The following ITPR2 variants were observed in gnomAD, a reference collection of about 807,000 sequenced individuals.
ITPR2 encodes the protein inositol 1,4,5-trisphosphate-gated calcium channel ITPR2.
Under a neutral mutation model 317.1 loss-of-function variants are expected in ITPR2, and 207 were observed. That is an observed-to-expected ratio of 0.65 (90% CI 0.58 to 0.73). The LOEUF is 0.73. Among genes scored for constraint, ITPR2 ranks in the 30% least tolerant of loss-of-function variants. The pLI is 0.00. For synonymous variants in ITPR2, 1,156 were observed against 1,149.1 expected, an observed-to-expected ratio of 1.01 and a Z score of -0.12; for missense variants, 2,613 against 3,284.0, an observed-to-expected ratio of 0.80 and a Z score of 4.99.
At chr12:26,341,843 T>C (rs1938123678) in intron 55 of ITPR2, among the ~76,000 whole-genome samples, 4 of 152,202 alleles carry the variant, frequency 2.6e-5, no homozygotes, top group Admixed American at 2.6e-4. Flanking sequence ...AATCCCCTGG[T>C]TGCTTGTTAA....
chr12:26,709,651 C>T (rs1028487989), intron 9 of ITPR2, among the ~76,000 whole-genome samples: 40 of 152,136 alleles, frequency 2.6e-4, no homozygotes, highest in African/African-American at 9.4e-4. Flanking sequence ...TTCTACAGCA[C>T]ATCAGTAGAT....
chr12:26,343,530 A>C (rs531829483), intron 55 of ITPR2, among the ~76,000 whole-genome samples: 7 of 152,204 alleles, frequency 4.6e-5, no homozygotes, highest in Non-Finnish European at 1.0e-4. Context: ...TAATGGTAAA[A>C]TGGTAAGTTT....
chr12:26,823,931 CAA>C (rs1226304086), intron 1 of ITPR2, among the ~76,000 whole-genome samples: 1 of 151,892 alleles, frequency 6.6e-6, no homozygotes, highest in African/African-American at 2.4e-5. Flanking sequence ...CTAAAATGAA[CAA>C]GTCAGCCATG....
At chr12:26,415,278 C>A (rs1232677873) in intron 51 of ITPR2, 25 bp downstream of exon 51, 1 of 1,511,990 alleles carries the variant, frequency 6.6e-7, no homozygotes, top group East Asian at 2.3e-5. Flanking sequence ...ATCAGAGAAA[C>A]CTCATTTAGT....
chr12:26,615,059 T>C lies in ITPR2; in HGVS notation c.3462+6064A>G, dbSNP rs191154981. Among the ~76,000 whole-genome samples, 6 of 152,320 alleles carry C rather than the reference T, an allele frequency of 3.9e-5. No individual in the cohort carries two copies. In the East Asian group the frequency reaches 5.8e-4, roughly 15 times the overall value. Reference sequence around the variant, plus strand: ...AAGAGAGAGGAGAAGAGGGACTATATGGGAACTCTATGCTTTCTGTGTAAT... The same window carrying C: ...AAGAGAGAGGAGAAGAGGGACTATACGGGAACTCTATGCTTTCTGTGTAAT... On this transcript the variant is annotated intron_variant, in intron 26 of 56. Coordinates refer to ENST00000381340, the MANE Select transcript of ITPR2 (RefSeq NM_002223.4).
intron 45 of ITPR2, among the ~76,000 whole-genome samples, chr12:26,463,315 G>A (rs1026208487): frequency 2.0e-5 from 3 of 151,994 alleles, no homozygotes; most frequent in African/African-American, 7.3e-5. Context: ...GCATTATTCT[G>A]TTCAGCATTT....
At chr12:26,379,788 T>C (rs917407977) in intron 55 of ITPR2, among the ~76,000 whole-genome samples, 19 of 152,336 alleles carry the variant, frequency 1.2e-4, no homozygotes, top group African/African-American at 4.1e-4. Context: ...AATGGGTACA[T>C]TGAAGTACAG....
intron 45 of ITPR2, among the ~76,000 whole-genome samples, chr12:26,466,416 C>A (rs1324078178): frequency 1.3e-5 from 2 of 152,186 alleles, no homozygotes; most frequent in Admixed American, 6.5e-5. Flanking sequence ...AGAATGTTAG[C>A]CAAGGCCTCG....
intron 37 of ITPR2, among the ~76,000 whole-genome samples, chr12:26,514,810 G>A (rs1259478172): frequency 6.6e-6 from 1 of 152,166 alleles, no homozygotes; most frequent in African/African-American, 2.4e-5. Context: ...TTAATGAAGA[G>A]CTGACTATAA....
chr12:26,670,197 G>A (rs528721909), intron 13 of ITPR2, among the ~76,000 whole-genome samples: 1 of 152,290 alleles, frequency 6.6e-6, no homozygotes, highest in Non-Finnish European at 1.5e-5. Context: ...AGAGAGCATT[G>A]GTTCTCCCAG....
chr12:26,767,189 A>G (rs535747751), intron 2 of ITPR2, among the ~76,000 whole-genome samples: 13 of 152,254 alleles, frequency 8.5e-5, no homozygotes, highest in Non-Finnish European at 1.8e-4. Flanking sequence ...AGTTCTTCAC[A>G]TGGAGCATCA....
intron 13 of ITPR2, among the ~76,000 whole-genome samples, chr12:26,674,857 A>C (rs1258772301): frequency 6.6e-6 from 1 of 151,938 alleles, no homozygotes; most frequent in East Asian, 1.9e-4. Flanking sequence ...CAAGAAAAAA[A>C]CAAACAACCC....
chr12:26,425,484 T>C (rs146778388), intron 49 of ITPR2, among the ~76,000 whole-genome samples: 7,115 of 151,960 alleles, frequency 0.047, 236 homozygotes, highest in South Asian at 0.17. Context: ...CTGGCTAACA[T>C]GGTGAAACCT....
chr12:26,440,718 T>C (rs551681723), intron 46 of ITPR2, among the ~76,000 whole-genome samples: 18 of 152,130 alleles, frequency 1.2e-4, no homozygotes, highest in African/African-American at 3.6e-4. Flanking sequence ...GGCAACCATA[T>C]AGGGAAAAAA....
At chr12:26,600,168 CA>C (rs897421960) in intron 28 of ITPR2, 59 bp from the exon 29 acceptor site, 7 of 1,460,676 alleles carry the variant, frequency 4.8e-6, no homozygotes, top group Non-Finnish European at 6.6e-6. Context: ...AAATGTTATG[CA>C]AAAATCTCTC....
At chr12:26,642,609 A>G (rs1947016812) in intron 21 of ITPR2, among the ~76,000 whole-genome samples, 1 of 152,128 alleles carries the variant, frequency 6.6e-6, no homozygotes, top group Non-Finnish European at 1.5e-5. Flanking sequence ...GCATTCTGCA[A>G]AAGATATTAC....
chr12:26,556,196 G>A (rs1944656649), intron 36 of ITPR2, 37 bp downstream of exon 36: 1 of 1,604,146 alleles, frequency 6.2e-7, no homozygotes, highest in Non-Finnish European at 8.5e-7. Context: ...ATGTCAGTTT[G>A]ACGACACTAG....
At chr12:26,551,974 G>A (rs1944535386) in intron 36 of ITPR2, among the ~76,000 whole-genome samples, 1 of 152,212 alleles carries the variant, frequency 6.6e-6, no homozygotes, top group Non-Finnish European at 1.5e-5. Flanking sequence ...CCCATTGTGA[G>A]AAAGAGACCA....
rs537958332 is a variant in ITPR2 at position 26,688,594 on chromosome 12, G to T, written c.997-1962C>A. 7.2e-5 allele frequency among the ~76,000 whole-genome samples: 11 copies of T among 152,186 alleles called. No individual in the cohort carries two copies. In the South Asian group the frequency reaches 2.3e-3, roughly 32 times the overall value. On this transcript the variant is annotated intron_variant, in intron 10 of 56. Transcript: ENST00000381340. The stretch of plus-strand genomic sequence containing the variant: ...GGAAAGAAGGAAGGAGAGGAGGTGG[G>T]GAGAAAGAATAGAGAACAAGAGGGG...
Sources: gnomAD v4.1 joint callset for allele counts (sites outside exome capture counted in the v4.1 genomes callset) on GRCh38, gnomAD v4.1.1 for gene constraint, MANE v1.5 for transcripts, NCBI Gene and HGNC (gene_info 2026-07-23, HGNC 2026-07-21) for gene names.